The following CDYL2 variants were observed in gnomAD, a reference collection of about 807,000 sequenced individuals.
CDYL2 encodes the protein chromodomain Y like 2.
CDYL2 carries 23 observed loss-of-function variants against 49.4 expected under a neutral mutation model. The ratio of observed to expected loss-of-function variants is 0.47; its 90% CI spans 0.34 to 0.66. The LOEUF (loss-of-function observed/expected upper bound fraction) is 0.66, where lower values mean the gene tolerates loss of function less well. CDYL2 is among the 30% of genes least tolerant of loss of function. The pLI is 0.01. For synonymous variants in CDYL2, 360 were observed against 268.8 expected, an observed-to-expected ratio of 1.34 and a Z score of -3.32; for missense variants, 678 against 656.4, an observed-to-expected ratio of 1.03 and a Z score of -0.36.
rs369777170 is a variant in CDYL2 at position 80,763,903 on chromosome 16, T to G, written c.24+40247A>C. Among the ~76,000 whole-genome samples, 10 of 151,804 alleles carry G rather than the reference T, an allele frequency of 6.6e-5. No homozygotes were observed. The East Asian group carries it at 9.7e-4, about 15-fold the overall frequency. Reference sequence around the variant, plus strand: ...AGTAAGCTTAAAAAATTAACAGATGTGTGTCAAGGAGTTAAAAACTGAAGA... The same window carrying G: ...AGTAAGCTTAAAAAATTAACAGATGGGTGTCAAGGAGTTAAAAACTGAAGA... On this transcript the variant is annotated intron_variant, in intron 1 of 6. Transcript: ENST00000570137.
chr16:80,663,067 G>C (rs964536607), intron 2 of CDYL2, among the ~76,000 whole-genome samples: 17 of 113,168 alleles, frequency 1.5e-4, no homozygotes, highest in African/African-American at 4.5e-4. Flanking sequence ...AAAAAAGCAA[G>C]AGGCTGGAAG....
chr16:80,776,942 C>T (rs1907104372), intron 1 of CDYL2, among the ~76,000 whole-genome samples: 3 of 151,786 alleles, frequency 2.0e-5, no homozygotes, highest in Non-Finnish European at 4.4e-5. Context: ...CTCGGCCTCC[C>T]GAATAGCTGG....
chr16:80,755,184 G>A (rs893274139), intron 1 of CDYL2, among the ~76,000 whole-genome samples: 2 of 152,104 alleles, frequency 1.3e-5, no homozygotes, highest in African/African-American at 4.8e-5. Flanking sequence ...TGTCCATCCT[G>A]GTTACTCAGC....
At chr16:80,753,502 G>A (rs570387857) in intron 1 of CDYL2, among the ~76,000 whole-genome samples, 1 of 152,166 alleles carries the variant, frequency 6.6e-6, no homozygotes, top group South Asian at 2.1e-4. Flanking sequence ...CAGCTACTCA[G>A]GAGGCTGAGG....
chr16:80,688,469 T>C (rs938355909), intron 1 of CDYL2, among the ~76,000 whole-genome samples: 6 of 152,186 alleles, frequency 3.9e-5, no homozygotes, highest in African/African-American at 9.7e-5. Context: ...CACTACAAGA[T>C]GAATGGATGA....
chr16:80,760,993 G>A (rs1302744958), intron 1 of CDYL2, among the ~76,000 whole-genome samples: 5 of 152,122 alleles, frequency 3.3e-5, no homozygotes, highest in Non-Finnish European at 5.9e-5. Context: ...GAAGGTGATG[G>A]CAACCAAACG....
At position 80,600,184 on chromosome 16, in the gene CDYL2, C is replaced by T. The variant is rs965097679; in HGVS notation, c.*4204G>A. On this transcript the variant is annotated 3_prime_UTR_variant, in exon 7 of 7. Transcript: ENST00000570137. ...ATACATTTTGAAATTATACTTCAAA[C>T]GCAATTACTTCGAAAAAAGATTAAC... 5 of 152,080 alleles carry T rather than the reference C, an allele frequency of 3.3e-5. No homozygotes were observed. The highest frequency in any genetic ancestry group is 7.2e-5 in the African/African-American group (3 of 41,406). The allele number at this position is 152,080 out of a possible 1,614,324, so 9.4% of individuals were successfully genotyped here. A position where few individuals can be genotyped will look rare whatever the true frequency, so the allele number is the denominator to read the frequency against.
intron 1 of CDYL2, among the ~76,000 whole-genome samples, chr16:80,763,979 T>C (rs929146227): frequency 1.3e-5 from 2 of 151,672 alleles, no homozygotes; most frequent in Admixed American, 6.6e-5. Context: ...GTATTGAAAA[T>C]GAATTAGGGT....
chr16:80,747,217 C>A (rs747108186), intron 1 of CDYL2, among the ~76,000 whole-genome samples: 4 of 152,262 alleles, frequency 2.6e-5, no homozygotes, highest in African/African-American at 7.2e-5. Flanking sequence ...CACCACCTGT[C>A]GATGTTCCTT....
chr16:80,741,005 A>C (rs1905714470), intron 1 of CDYL2, among the ~76,000 whole-genome samples: 1 of 151,864 alleles, frequency 6.6e-6, no homozygotes, highest in South Asian at 2.1e-4. Flanking sequence ...GTAAATAACA[A>C]ACAGGAATAG....
At chr16:80,679,281 A>C (rs9319553) in intron 2 of CDYL2, among the ~76,000 whole-genome samples, 20 of 108,560 alleles carry the variant, frequency 1.8e-4, no homozygotes, top group African/African-American at 7.5e-4. Context: ...TATATAAATA[A>C]ATAAATAAAT....
chr16:80,752,636 GCC>G (rs1191093242), intron 1 of CDYL2, among the ~76,000 whole-genome samples: 2 of 152,148 alleles, frequency 1.3e-5, no homozygotes, highest in Non-Finnish European at 2.9e-5. Flanking sequence ...AGAATTATTT[GCC>G]CTATGGAAAT....
chr16:80,661,930 A>G (rs563254831), intron 2 of CDYL2, among the ~76,000 whole-genome samples: 2 of 152,302 alleles, frequency 1.3e-5, no homozygotes, highest in Admixed American at 1.3e-4. Flanking sequence ...CCCAGTGTTC[A>G]TCCAATGACT....
intron 1 of CDYL2, among the ~76,000 whole-genome samples, chr16:80,795,929 T>C (rs1907758077): frequency 6.6e-6 from 1 of 152,228 alleles, no homozygotes; most frequent in Admixed American, 6.5e-5. Flanking sequence ...AGAGATCTCA[T>C]TTTATAGAAG....
chr16:80,641,583 TCATGTC>T (rs1443006517), intron 2 of CDYL2, among the ~76,000 whole-genome samples: 4 of 151,978 alleles, frequency 2.6e-5, no homozygotes, highest in African/African-American at 9.7e-5. Context: ...AATGAAGAGT[TCATGTC>T]CTTCGTAGGG....
intron 4 of CDYL2, among the ~76,000 whole-genome samples, chr16:80,614,171 T>G (rs1350824826): frequency 6.6e-6 from 1 of 152,250 alleles, no homozygotes; most frequent in Non-Finnish European, 1.5e-5. Flanking sequence ...GAACAAAGAC[T>G]GCAGAGGTGT....
At chr16:80,751,235 G>A (rs1053729118) in intron 1 of CDYL2, among the ~76,000 whole-genome samples, 1 of 152,202 alleles carries the variant, frequency 6.6e-6, no homozygotes, top group African/African-American at 2.4e-5. Context: ...CAATGTCCCT[G>A]CCAAGAGGAG....
chr16:80,627,796 A>G (rs1325824420), intron 3 of CDYL2: 1 of 152,194 alleles, frequency 6.6e-6, no homozygotes, highest in Non-Finnish European at 1.5e-5. Flanking sequence ...ATAGTCCCAG[A>G]CTGCTATGCA....
chr16:80,725,867 C>A (rs923407219), intron 1 of CDYL2, among the ~76,000 whole-genome samples: 19 of 152,130 alleles, frequency 1.2e-4, no homozygotes, highest in African/African-American at 4.1e-4. Context: ...TCACTTGTTA[C>A]AAAAATTATT....
Sources: allele counts gnomAD v4.1 joint callset (sites outside exome capture counted in the v4.1 genomes callset), GRCh38; gene constraint gnomAD v4.1.1; transcripts MANE v1.5; gene names NCBI Gene and HGNC (gene_info 2026-07-23, HGNC 2026-07-21).